The following ADGRB3 variants were observed in gnomAD, a reference collection of about 807,000 sequenced individuals.
The protein encoded by ADGRB3 is brain-specific angiogenesis inhibitor 3.
In ADGRB3, 37 loss-of-function variants were observed where a neutral mutation model predicts 193.4. The observed-to-expected ratio is 0.19, with a 90% CI of 0.15 to 0.25. The LOEUF is 0.25. ADGRB3 is among the 10% of genes least tolerant of loss of function. The probability of loss-of-function intolerance (pLI) is 1.00; values close to 1 mark genes in which losing one functional copy is unlikely to be tolerated. For missense variants in ADGRB3, 1,637 were observed against 1,852.9 expected (o/e 0.88, Z 2.14); for synonymous variants, 690 against 644.2 (o/e 1.07, Z -1.08).
In ADGRB3 at chr6:69,029,289, CT is replaced by C. The variant is rs530577447; in HGVS notation, c.2107+10797del. ...ATCCACTTTATTTGAAAATTTGAAA[CT>C]TTTTTTGGCTAATTACACAAGTTAT... On this transcript the variant is annotated intron_variant, in intron 13 of 31. Transcript: ENST00000370598. Among the ~76,000 whole-genome samples, 709 of 152,124 alleles carry C rather than the reference CT, an allele frequency of 4.7e-3. 7 individuals are homozygous for C. The highest frequency in any genetic ancestry group is 0.017 in the African/African-American group (691 of 41,490).
Position 69,048,197 on chromosome 6 carries a change from A to G in ADGRB3, c.2120A>G (p.Gln707Arg), listed in dbSNP as rs762720627. The change falls in exon 14 of 32, where the codon CAG becomes CGG. Residue 707 changes from glutamine (Q) to arginine (R), a missense_variant. By Grantham distance (43) the Gln-to-Arg change is conservative. Transcript: ENST00000370598. Reference protein sequence around the residue: ...LMTGNVVASIQKLPAASVLTD... With the variant: ...LMTGNVVASIRKLPAASVLTD... ...TCTTTTTTAATAGTGGCTAGTATTC[A>G]GAAGCTTCCTGCAGCCTCTGTTCTA... 6.2e-7 allele frequency: 1 copy of G among 1,611,924 alleles called. No homozygotes were observed. Among genetic ancestry groups the G allele is most frequent in the Non-Finnish European group, 8.5e-7 (1 of 1,179,322 alleles).
chr6:68,966,426 C>G (rs190671320), intron 8 of ADGRB3, among the ~76,000 whole-genome samples: 2 of 152,276 alleles, frequency 1.3e-5, no homozygotes, highest in African/African-American at 4.8e-5. Context: ...CCTCCTCCTG[C>G]TGAATCACCC....
At chr6:69,081,611 G>A (rs1248581154) in intron 17 of ADGRB3, among the ~76,000 whole-genome samples, 1 of 151,810 alleles carries the variant, frequency 6.6e-6, no homozygotes, top group African/African-American at 2.4e-5. Context: ...ATTCACAATT[G>A]TGTGTTTTCT....
At chr6:68,812,114 T>G (rs1364332281) in intron 3 of ADGRB3, among the ~76,000 whole-genome samples, 2 of 152,150 alleles carry the variant, frequency 1.3e-5, no homozygotes, top group Non-Finnish European at 2.9e-5. Context: ...GTTTGTGGTA[T>G]GTAATGTGTT....
intron 10 of ADGRB3, among the ~76,000 whole-genome samples, chr6:68,989,820 G>A (rs960272769): frequency 6.6e-6 from 1 of 152,126 alleles, no homozygotes; most frequent in Non-Finnish European, 1.5e-5. Flanking sequence ...TTAAAAAGTT[G>A]TTGGGCTCAA....
At chr6:69,191,903 G>A (rs1030597288) in intron 17 of ADGRB3, among the ~76,000 whole-genome samples, 85 of 152,236 alleles carry the variant, frequency 5.6e-4, no homozygotes, top group African/African-American at 1.6e-3. Flanking sequence ...TGAAACAACC[G>A]TTAAGTGACT....
intron 17 of ADGRB3, among the ~76,000 whole-genome samples, chr6:69,118,949 A>G (rs1486265283): frequency 6.6e-6 from 1 of 152,202 alleles, no homozygotes; most frequent in Non-Finnish European, 1.5e-5. Context: ...AATATGCTGT[A>G]AAAGAATACA....
At position 68,698,347 on chromosome 6, in the gene ADGRB3, A is replaced by G. The variant is rs1036905784; in HGVS notation, c.757+58915A>G. ...AGGTAGTGCTCATTTAAGAATGTGT[A>G]AGATTGTAACACAAAAATAGAAACC... On this transcript the variant is annotated intron_variant, in intron 3 of 31. Transcript: ENST00000370598. Among the ~76,000 whole-genome samples the G allele has an allele frequency of 1.1e-4, 16 of 152,034 alleles. 1 individual carries two copies. The highest frequency in any genetic ancestry group is 7.9e-4 in the Admixed American group (12 of 15,234).
chr6:69,332,424 A>G, intron 23 of ADGRB3: 1 of 985,426 alleles, frequency 1.0e-6, no homozygotes, highest in South Asian at 4.7e-5. Flanking sequence ...CCCCTTCCAC[A>G]GAAAAGAATA....
At chr6:68,658,406 A>T (rs949518163) in intron 3 of ADGRB3, among the ~76,000 whole-genome samples, 7 of 151,242 alleles carry the variant, frequency 4.6e-5, no homozygotes, top group African/African-American at 1.7e-4. Context: ...ACATCTCCAG[A>T]TATGCTTAGT....
At chr6:68,803,951 C>T (rs1767357894) in intron 3 of ADGRB3, among the ~76,000 whole-genome samples, 1 of 152,170 alleles carries the variant, frequency 6.6e-6, no homozygotes, top group Non-Finnish European at 1.5e-5. Flanking sequence ...TGAACATTTG[C>T]TCTTTCATGA....
intron 3 of ADGRB3, among the ~76,000 whole-genome samples, chr6:68,837,039 C>A (rs986192412): frequency 6.6e-6 from 1 of 152,182 alleles, no homozygotes; most frequent in Non-Finnish European, 1.5e-5. Context: ...CTCCACTCAT[C>A]AGTCTAACCT....
At chr6:68,930,781 C>T (rs945078150) in intron 4 of ADGRB3, 112 bp downstream of exon 4, 75 of 840,504 alleles carry the variant, frequency 8.9e-5, no homozygotes, top group Non-Finnish European at 1.1e-4. Flanking sequence ...GATATTTTTT[C>T]GAGCCATTTT....
In ADGRB3 at chr6:69,239,124, G is replaced by A. The variant is rs369742599; in HGVS notation, c.2712G>A (p.Arg904=). Reference sequence around the variant, plus strand: ...GGGTAACTTTTCTCTCTCTGGCTAGGTACATACGCTCTGAGAGATCCATAA... The same window carrying A: ...GGGTAACTTTTCTCTCTCTGGCTAGATACATACGCTCTGAGAGATCCATAA... ...TLAVVYAALW[R]YIRSERSIIL... Residue 904 remains arginine (R), a splice_region_variant and synonymous_variant, in exon 20 of 32, where the codon AGG becomes AGA. Coordinates refer to ENST00000370598, the MANE Select transcript of ADGRB3 (RefSeq NM_001704.3). The A allele has an allele frequency of 1.6e-4, 251 of 1,568,880 alleles. No homozygotes were observed. Among genetic ancestry groups the A allele is most frequent in the Non-Finnish European group, 2.1e-4 (239 of 1,141,254 alleles).
intron 6 of ADGRB3, among the ~76,000 whole-genome samples, chr6:68,944,493 A>T (rs1054820744): frequency 6.6e-6 from 1 of 152,168 alleles, no homozygotes; most frequent in Non-Finnish European, 1.5e-5. Flanking sequence ...AACAATTTAC[A>T]ATCTTTATGG....
chr6:69,241,830 A>C (rs1277167669), intron 20 of ADGRB3, among the ~76,000 whole-genome samples: 1 of 151,734 alleles, frequency 6.6e-6, no homozygotes, highest in East Asian at 1.9e-4. Flanking sequence ...ATAGTTATTG[A>C]TGCATTCGGG....
At chr6:68,686,180 G>C (rs1422565939) in intron 3 of ADGRB3, among the ~76,000 whole-genome samples, 1 of 152,180 alleles carries the variant, frequency 6.6e-6, no homozygotes, top group African/African-American at 2.4e-5. Context: ...TGACAGTAAT[G>C]AGCAGAAGCA....
Position 69,045,741 on chromosome 6 carries a change from T to C in ADGRB3, c.2108-2444T>C, listed in dbSNP as rs77922446. Among the ~76,000 whole-genome samples the C allele has an allele frequency of 3.3e-3, 499 of 152,230 alleles. 2 individuals carry two copies. The highest frequency in any genetic ancestry group is 0.012 in the African/African-American group (483 of 41,560). On this transcript the variant is annotated intron_variant, in intron 13 of 31. Transcript: ENST00000370598. Reference sequence around the variant, plus strand: ...CAGACATCTCAAACCACTTAGAATGTGTACATACTTATAATAGTAAAAACC... The same window carrying C: ...CAGACATCTCAAACCACTTAGAATGCGTACATACTTATAATAGTAAAAACC...
intron 20 of ADGRB3, among the ~76,000 whole-genome samples, chr6:69,252,716 G>T (rs1296451492): frequency 6.6e-6 from 1 of 151,810 alleles, no homozygotes; most frequent in Non-Finnish European, 1.5e-5. Flanking sequence ...CAAATCCTTT[G>T]TAATTTATAA....
Sources: allele counts gnomAD v4.1 joint callset (sites outside exome capture counted in the v4.1 genomes callset), GRCh38; gene constraint gnomAD v4.1.1; transcripts MANE v1.5; gene names NCBI Gene and HGNC (gene_info 2026-07-23, HGNC 2026-07-21).